NUDT19: variants seen among roughly 807,000 people sequenced by gnomAD.
The protein encoded by NUDT19 is acyl-coenzyme A diphosphatase NUDT19.
In NUDT19, 31 loss-of-function variants were observed where a neutral mutation model predicts 22.2. The ratio of observed to expected loss-of-function variants is 1.40; its 90% CI spans 1.05 to 1.89. NUDT19 has a LOEUF of 1.89. Among genes scored for constraint, NUDT19 ranks in the 40% most tolerant of loss-of-function variants. The pLI, the probability that NUDT19 is intolerant of heterozygous loss-of-function variation, is 0.00. For missense variants in NUDT19, 752 were observed against 514.2 expected, an observed-to-expected ratio of 1.46 and a Z score of -4.47; for synonymous variants, 325 against 230.8, an observed-to-expected ratio of 1.41 and a Z score of -3.70.
chr19:32,692,387 C>T lies in NUDT19; in HGVS notation c.427C>T (p.Pro143Ser). ...FEEAGVLLLR[P>S]RTSPPGPAPG... The stretch of plus-strand genomic sequence containing the variant: ...GGAGGCGGGCGTGCTGCTGCTGCGG[C>T]CCAGGACTTCCCCACCAGGCCCAGC... The change falls in exon 1 of 3, where the codon CCC becomes TCC. Residue 143 changes from proline to serine, a missense_variant. Transcript: ENST00000397061. 1.3e-6 allele frequency: 2 copies of T among 1,581,752 alleles called. No individual in the cohort carries two copies. The highest frequency in any genetic ancestry group is 1.7e-6 in the Non-Finnish European group (2 of 1,172,084).
chr19:32,692,063 C>A lies in NUDT19; in HGVS notation c.103C>A (p.Arg35Ser). 1.0e-5 allele frequency: 13 copies of A among 1,294,178 alleles called. No homozygotes were observed. Among genetic ancestry groups the A allele is most frequent in the Non-Finnish European group, 1.3e-5 (13 of 1,025,534 alleles). The allele number at this position is 1,294,178 out of a possible 1,614,324, so 80.2% of individuals were successfully genotyped here. ...SRPETATPPS[R>S]PPPAEGFRLL... ...CCCGGAGACCGCCACCCCGCCGTCG[C>A]GCCCGCCGCCGGCCGAGGGCTTCCG... Residue 35 changes from arginine (R) to serine (S), a missense_variant, in exon 1 of 3, where the codon CGC (arginine) becomes AGC (serine). By Grantham distance (110) the Arg-to-Ser change is moderately radical. Transcript: ENST00000397061.
intron 1 of NUDT19, among the ~76,000 whole-genome samples, chr19:32,700,288 T>G (rs371753482): frequency 8.0e-4 from 122 of 152,248 alleles, no homozygotes; most frequent in African/African-American, 2.8e-3. Flanking sequence ...GATTGGTCCG[T>G]TTTTACAGAG....
chr19:32,693,631 G>C (rs964788326), intron 1 of NUDT19, among the ~76,000 whole-genome samples: 1 of 151,236 alleles, frequency 6.6e-6, no homozygotes, highest in South Asian at 2.1e-4. Flanking sequence ...CATTTTTACA[G>C]AGTGCGGATT....
At chr19:32,696,183 T>G (rs1176689167) in intron 1 of NUDT19, among the ~76,000 whole-genome samples, 1 of 152,218 alleles carries the variant, frequency 6.6e-6, no homozygotes, top group Non-Finnish European at 1.5e-5. Context: ...CACTGGTCAC[T>G]CAAGGAGTAG....
At position 32,709,811 on chromosome 19, in the gene NUDT19, G is replaced by T. The variant is rs554491437; in HGVS notation, c.922+419G>T. ...ATTACAGGTGCCCACCACTGTGCCCGGCTAATCTTTGTATTTTTTTTTTAG... is the reference window on the plus strand; with the variant it reads ...ATTACAGGTGCCCACCACTGTGCCCTGCTAATCTTTGTATTTTTTTTTTAG... On this transcript the variant is annotated intron_variant, in intron 2 of 2. Transcript: ENST00000397061. Among the ~76,000 whole-genome samples, 305 of 143,044 alleles carry T rather than the reference G, an allele frequency of 2.1e-3. 1 individual carries two copies. The highest frequency in any genetic ancestry group is 7.8e-3 in the African/African-American group (294 of 37,506). The allele number at this position is 143,044 out of a possible 152,430, so 93.8% of individuals were successfully genotyped here.
chr19:32,692,555 G>A lies in NUDT19; in HGVS notation c.595G>A (p.Ala199Thr), dbSNP rs769286275. ...PDIWALHNWS[A>T]WLTPFLRGTT... Reference sequence around the variant, plus strand: ...CATCTGGGCGCTGCACAACTGGAGCGCCTGGCTCACCCCTTTCTTGCGGGG... The same window carrying A: ...CATCTGGGCGCTGCACAACTGGAGCACCTGGCTCACCCCTTTCTTGCGGGG... Residue 199 changes from alanine (A) to threonine (T), a missense_variant, in exon 1 of 3, where the codon GCC becomes ACC. Physicochemically the swap from Ala to Thr is moderately conservative, Grantham distance 58. Coordinates refer to ENST00000397061, the MANE Select transcript of NUDT19 (RefSeq NM_001105570.2). 7.5e-6 allele frequency: 12 copies of A among 1,597,028 alleles called. No homozygotes were observed. Among genetic ancestry groups the A allele is most frequent in the Middle Eastern group, 1.7e-4 (1 of 5,922 alleles).
Position 32,692,664 on chromosome 19 carries a change from T to C in NUDT19, c.704T>C (p.Val235Ala). Residue 235 changes from valine (V) to alanine (A), a missense_variant, in exon 1 of 3, where the codon GTG (valine) becomes GCG (alanine). Coordinates refer to ENST00000397061, the MANE Select transcript of NUDT19 (RefSeq NM_001105570.2). ...PPVYPDLAEV[V>A]GYQWSSPSEA... is the part of the protein sequence containing the mutation. ...GTCTACCCCGACTTGGCGGAGGTGG[T>C]GGGCTACCAGGTAAGGCCTGCTCAG... The C allele has an allele frequency of 6.6e-7, 1 of 1,508,760 alleles. No homozygotes were observed. Among genetic ancestry groups the C allele is most frequent in the Non-Finnish European group, 8.8e-7 (1 of 1,135,572 alleles). 93.5% of individuals were successfully genotyped at this position (1,508,760 alleles called of 1,614,324 possible). A position where few individuals can be genotyped will look rare whatever the true frequency, so the allele number is the denominator to read the frequency against.
chr19:32,699,416 C>T (rs996212290), intron 1 of NUDT19, among the ~76,000 whole-genome samples: 2 of 152,168 alleles, frequency 1.3e-5, no homozygotes, highest in Non-Finnish European at 2.9e-5. Flanking sequence ...TTGTCGGGAC[C>T]CCGGAGCTGA....
chr19:32,713,049 T>C lies in NUDT19; in HGVS notation c.*1092T>C, dbSNP rs2145370784. 1 of 152,380 alleles carries C rather than the reference T, an allele frequency of 6.6e-6. No homozygotes were observed. Among genetic ancestry groups the C allele is most frequent in the East Asian group, 1.9e-4 (1 of 5,194 alleles). 9.4% of individuals were successfully genotyped at this position (152,380 alleles called of 1,614,324 possible). A position where few individuals can be genotyped will look rare whatever the true frequency, so the allele number is the denominator to read the frequency against. ...AGTGACCATGTCATTGTTTTCTTGC[T>C]ATGTCTTTAGCTTAATGATTAAGAT... On this transcript the variant is annotated 3_prime_UTR_variant, in exon 3 of 3. Coordinates refer to ENST00000397061, the MANE Select transcript of NUDT19 (RefSeq NM_001105570.2).
At chr19:32,694,552 C>CCT (rs1438197994) in intron 1 of NUDT19, among the ~76,000 whole-genome samples, 1 of 152,040 alleles carries the variant, frequency 6.6e-6, no homozygotes. Context: ...CATTTCTAGC[C>CCT]CTATAAGTAG....
rs1464553527 is a variant in NUDT19 at position 32,711,955 on chromosome 19, TA to T, written c.1127del (p.Ter376TrpfsTer16). On this transcript the variant is annotated frameshift_variant and stop_lost, in exon 3 of 3. Transcript: ENST00000397061. LOFTEE classifies it high-confidence loss of function. ...CTCTGTAGTAAGAAAAAGCCATTTG[TA>T]GGGTGCTTAAGCTTGTTTGTAAAAT... is the stretch of plus-strand genomic sequence containing the variant. The part of the protein sequence containing the change: ...KNSVVRKSHL[*>X] The T allele has an allele frequency of 6.2e-7, 1 of 1,607,402 alleles. No individual in the cohort carries two copies. Among genetic ancestry groups the T allele is most frequent in the Non-Finnish European group, 8.5e-7 (1 of 1,174,084 alleles).
intron 1 of NUDT19, among the ~76,000 whole-genome samples, chr19:32,696,397 T>C (rs1357007030): frequency 6.8e-6 from 1 of 147,218 alleles, no homozygotes; most frequent in African/African-American, 2.5e-5. Context: ...TCCTTAGGTA[T>C]GCCACTGGTT....
Position 32,713,758 on chromosome 19 carries a change from G to A in NUDT19, c.*1801G>A, listed in dbSNP as rs1289604298. ...CTTAATTTTCCTACTATAACATAAAGACAATGATGAATAAAGTTTATGTGT... is the reference window on the plus strand; with the variant it reads ...CTTAATTTTCCTACTATAACATAAAAACAATGATGAATAAAGTTTATGTGT... On this transcript the variant is annotated 3_prime_UTR_variant, in exon 3 of 3. Transcript: ENST00000397061. 1 of 152,108 alleles carries A rather than the reference G, an allele frequency of 6.6e-6. No homozygotes were observed. Among genetic ancestry groups the A allele is most frequent in the African/African-American group, 2.4e-5 (1 of 41,426 alleles). The allele number at this position is 152,108 out of a possible 1,614,324, so 9.4% of individuals were successfully genotyped here. A position where few individuals can be genotyped will look rare whatever the true frequency, so the allele number is the denominator to read the frequency against.
rs866179271 is a variant in NUDT19, at chr19:32,692,551, G to C, written c.591G>C (p.Trp197Cys). 5 of 1,596,960 alleles carry C rather than the reference G, an allele frequency of 3.1e-6. No homozygotes were observed. The highest frequency in any genetic ancestry group is 4.3e-6 in the Non-Finnish European group (5 of 1,173,762). The change falls in exon 1 of 3, where the codon TGG becomes TGC. Residue 197 changes from tryptophan (W) to cysteine (C), a missense_variant. Physicochemically the swap from Trp to Cys is radical, Grantham distance 215. Coordinates refer to ENST00000397061, the MANE Select transcript of NUDT19 (RefSeq NM_001105570.2). ...CCGACATCTGGGCGCTGCACAACTG[G>C]AGCGCCTGGCTCACCCCTTTCTTGC... ...CTPDIWALHN[W>C]SAWLTPFLRG...
At chr19:32,694,838 C>T (rs962751330) in intron 1 of NUDT19, among the ~76,000 whole-genome samples, 1 of 152,220 alleles carries the variant, frequency 6.6e-6, no homozygotes, top group African/African-American at 2.4e-5. Context: ...ACAGCTTGCA[C>T]ATTTGAGCAG....
At chr19:32,700,131 G>A (rs566556398) in intron 1 of NUDT19, among the ~76,000 whole-genome samples, 2 of 152,356 alleles carry the variant, frequency 1.3e-5, no homozygotes, top group East Asian at 1.9e-4. Context: ...CATGGAAAGG[G>A]ACCCGAGCGG....
Position 32,706,602 on chromosome 19 carries a change from GA to G in NUDT19, c.715-2581del, listed in dbSNP as rs1968389787. ...GGAGGCTGAGACAGGAAAATCGCTTGAACCCAGGAGGTGGAGTTTGCAGTGA... is the reference window on the plus strand; with the variant it reads ...GGAGGCTGAGACAGGAAAATCGCTTGACCCAGGAGGTGGAGTTTGCAGTGA... On this transcript the variant is annotated intron_variant, in intron 1 of 2. Transcript: ENST00000397061. Among the ~76,000 whole-genome samples the G allele has an allele frequency of 2.0e-5, 3 of 152,268 alleles. No individual in the cohort carries two copies. In the East Asian group the frequency reaches 5.8e-4, roughly 29 times the overall value.
Position 32,691,981 on chromosome 19 carries a change from G to C in NUDT19, c.21G>C (p.Pro7=), listed in dbSNP as rs1036494459. 3.2e-6 allele frequency: 4 copies of C among 1,232,796 alleles called. No individual in the cohort carries two copies. Among genetic ancestry groups the C allele is most frequent in the East Asian group, 6.5e-5 (2 of 30,934 alleles). The allele number at this position is 1,232,796 out of a possible 1,614,324, so 76.4% of individuals were successfully genotyped here. A position where few individuals can be genotyped will look rare whatever the true frequency, so the allele number is the denominator to read the frequency against. Residue 7 remains proline (P), a synonymous_variant, in exon 1 of 3, where the codon CCG becomes CCC. Transcript: ENST00000397061. Reference sequence around the variant, plus strand: ...GCGCCATGAGCAGCTCCCTGCGGCCGGGCCCCAGCCGCTGGCGGCGGGCGG... The same window carrying C: ...GCGCCATGAGCAGCTCCCTGCGGCCCGGCCCCAGCCGCTGGCGGCGGGCGG... MSSSLR[P]GPSRWRRAAS... is the part of the protein sequence containing the mutation.
chr19:32,691,974 TG>T lies in NUDT19; in HGVS notation c.15del (p.Arg6GlyfsTer117). ...AAGCTGCGCGCCATGAGCAGCTCCC[TG>T]CGGCCGGGCCCCAGCCGCTGGCGGC... MSSSLRPGPSRWRRA... is the reference protein window; with the variant it reads MSSSXRPGPSRWRRA... On this transcript the variant is annotated frameshift_variant, in exon 1 of 3. Transcript: ENST00000397061. LOFTEE classifies it high-confidence loss of function. 1 of 1,231,384 alleles carries T rather than the reference TG, an allele frequency of 8.1e-7. No individual in the cohort carries two copies. The highest frequency in any genetic ancestry group is 1.0e-6 in the Non-Finnish European group (1 of 989,216). 76.3% of individuals were successfully genotyped at this position (1,231,384 alleles called of 1,614,324 possible).
Sources: gnomAD v4.1 joint callset for allele counts (sites outside exome capture counted in the v4.1 genomes callset) on GRCh38, gnomAD v4.1.1 for gene constraint, MANE v1.5 for transcripts, NCBI Gene and HGNC (gene_info 2026-07-23, HGNC 2026-07-21) for gene names.